NRXN3: variants seen among roughly 807,000 people sequenced by gnomAD.
NRXN3 encodes neurexin 3, also known as neurexin III.
NRXN3 carries 32 observed loss-of-function variants against 137.6 expected under a neutral mutation model. That is an observed-to-expected ratio of 0.23 (90% CI 0.18 to 0.31). NRXN3 has a LOEUF of 0.31. Ranked by LOEUF, NRXN3 falls within the 10% of genes least tolerant of loss-of-function variation. The pLI, the probability that NRXN3 is intolerant of heterozygous loss-of-function variation, is 1.00. For missense variants in NRXN3, 1,574 were observed against 2,062.5 expected (o/e 0.76, Z 4.59); for synonymous variants, 798 against 784.5 (o/e 1.02, Z -0.29).
intron 15 of NRXN3, among the ~76,000 whole-genome samples, chr14:79,232,956 A>C (rs1350531819): frequency 6.6e-6 from 1 of 152,214 alleles, no homozygotes; most frequent in Non-Finnish European, 1.5e-5. Context: ...ATACTGTAGC[A>C]GTTGAGACAG....
At chr14:78,975,787 C>G (rs2099463349) in intron 14 of NRXN3, among the ~76,000 whole-genome samples, 1 of 152,128 alleles carries the variant, frequency 6.6e-6, no homozygotes, top group African/African-American at 2.4e-5. Context: ...CTGCACACAC[C>G]CTCTCCACTG....
intron 15 of NRXN3, among the ~76,000 whole-genome samples, chr14:79,179,915 C>A (rs998533562): frequency 6.6e-6 from 1 of 152,174 alleles, no homozygotes; most frequent in Non-Finnish European, 1.5e-5. Context: ...ACTGCCACTG[C>A]ATTCTATTTC....
rs563295932 is a variant in NRXN3, at chr14:78,792,792, G to C, written c.2045-10828G>C. Among the ~76,000 whole-genome samples the C allele has an allele frequency of 8.0e-4, 122 of 152,068 alleles. 1 individual carries two copies. Among genetic ancestry groups the C allele is most frequent in the African/African-American group, 2.8e-3 (118 of 41,504 alleles). On this transcript the variant is annotated intron_variant, in intron 8 of 20. Coordinates refer to ENST00000335750, the MANE Select transcript of NRXN3 (RefSeq NM_001330195.2). ...ATAAAATTGAGCATAAAATCAAGTG[G>C]GACAAGAATTATCTGCAACCATAAT...
chr14:78,974,142 G>A (rs1255587994), intron 14 of NRXN3, among the ~76,000 whole-genome samples: 1 of 152,080 alleles, frequency 6.6e-6, no homozygotes, highest in East Asian at 1.9e-4. Context: ...AAAGTATAGA[G>A]GGCCCTTGTG....
At chr14:79,715,672 T>C (rs2098821369) in intron 19 of NRXN3, among the ~76,000 whole-genome samples, 1 of 152,198 alleles carries the variant, frequency 6.6e-6, no homozygotes, top group African/African-American at 2.4e-5. Flanking sequence ...GAAGAAGGCA[T>C]GAACAAACCA....
chr14:78,703,575 T>A (rs375277742), intron 6 of NRXN3: 2 of 152,362 alleles, frequency 1.3e-5, no homozygotes, highest in Admixed American at 1.3e-4. Flanking sequence ...ATATATTTAT[T>A]TTTTTGCTTG....
chr14:79,846,420 A>G (rs1350840913), intron 20 of NRXN3, among the ~76,000 whole-genome samples: 1 of 152,222 alleles, frequency 6.6e-6, no homozygotes, highest in Non-Finnish European at 1.5e-5. Context: ...CAAACTTTCA[A>G]GATGGAAAGG....
chr14:78,225,244 C>T (rs1413741203), intron 1 of NRXN3, among the ~76,000 whole-genome samples: 1 of 152,166 alleles, frequency 6.6e-6, no homozygotes, highest in Non-Finnish European at 1.5e-5. Context: ...TATTTCTCCA[C>T]ATCCTCTCCA....
At chr14:78,289,946 G>T (rs1466599578) in intron 3 of NRXN3, among the ~76,000 whole-genome samples, 2 of 147,496 alleles carry the variant, frequency 1.4e-5, no homozygotes, top group Non-Finnish European at 2.9e-5. Context: ...ACTGCTCAAT[G>T]GTAGCTCTCA....
rs116581019 is a variant in NRXN3 at position 78,251,500 on chromosome 14, G to T, written c.709+7698G>T. 1.5e-3 allele frequency among the ~76,000 whole-genome samples: 236 copies of T among 152,298 alleles called. 2 individuals are homozygous for T. Among genetic ancestry groups the T allele is most frequent in the African/African-American group, 5.4e-3 (226 of 41,566 alleles). On this transcript the variant is annotated intron_variant, in intron 2 of 20. Coordinates refer to ENST00000335750, the MANE Select transcript of NRXN3 (RefSeq NM_001330195.2). ...GTCCCACCTCTGTGGATCCGCCTCT[G>T]TTAACACAACTTGTTGCTGTCCGTG...
chr14:79,326,874 T>C (rs1314880140), intron 15 of NRXN3, among the ~76,000 whole-genome samples: 1 of 152,184 alleles, frequency 6.6e-6, no homozygotes, highest in Non-Finnish European at 1.5e-5. Context: ...TTTGCCTTAT[T>C]TACAAACTGG....
At chr14:79,634,422 TC>T (rs2098387121) in intron 16 of NRXN3, among the ~76,000 whole-genome samples, 1 of 152,176 alleles carries the variant, frequency 6.6e-6, no homozygotes, top group Non-Finnish European at 1.5e-5. Context: ...TTACTTAGGT[TC>T]AAGTGAAAAT....
chr14:79,672,054 G>C (rs1468177885), intron 17 of NRXN3, among the ~76,000 whole-genome samples: 1 of 152,038 alleles, frequency 6.6e-6, no homozygotes, highest in Non-Finnish European at 1.5e-5. Flanking sequence ...AACAATTGTA[G>C]TAGCCAAAGA....
At chr14:79,191,458 A>G (rs1250390875) in intron 15 of NRXN3, among the ~76,000 whole-genome samples, 1 of 152,230 alleles carries the variant, frequency 6.6e-6, no homozygotes, top group Non-Finnish European at 1.5e-5. Flanking sequence ...GTCATAAGCC[A>G]GTGTAATTGG....
At chr14:78,825,226 A>G (rs1169904208) in intron 10 of NRXN3, among the ~76,000 whole-genome samples, 1 of 151,658 alleles carries the variant, frequency 6.6e-6, no homozygotes, top group African/African-American at 2.4e-5. Context: ...AAGAAAAAGA[A>G]AAAGAAAAAT....
At chr14:78,990,391 C>T (rs890051235) in intron 15 of NRXN3, among the ~76,000 whole-genome samples, 6 of 95,368 alleles carry the variant, frequency 6.3e-5, no homozygotes, top group African/African-American at 1.0e-4. Flanking sequence ...TTTTTTGAGA[C>T]GGAGTCTCAT....
intron 15 of NRXN3, among the ~76,000 whole-genome samples, chr14:79,456,678 A>G (rs1362664381): frequency 6.6e-6 from 1 of 151,738 alleles, no homozygotes; most frequent in Admixed American, 6.6e-5. Context: ...GTGAGCCCTG[A>G]TCACCCCACT....
At chr14:79,486,962 C>CTCT (rs2096662889) in intron 16 of NRXN3, among the ~76,000 whole-genome samples, 2 of 124,106 alleles carry the variant, frequency 1.6e-5, no homozygotes, top group African/African-American at 7.2e-5. Flanking sequence ...TCTCTCTCTC[C>CTCT]CACACACACA....
Position 78,297,224 on chromosome 14 carries a change from C to G in NRXN3, c.728-607C>G, listed in dbSNP as rs1274583531. Among the ~76,000 whole-genome samples, 3 of 152,242 alleles carry G rather than the reference C, an allele frequency of 2.0e-5. No homozygotes were observed. In the East Asian group the frequency reaches 5.8e-4, roughly 29 times the overall value. Reference sequence around the variant, plus strand: ...TGGGCTAAGATGACAGTGATAGAAACAGTTCCAGGTTGTCTGAGCAACTCT... The same window carrying G: ...TGGGCTAAGATGACAGTGATAGAAAGAGTTCCAGGTTGTCTGAGCAACTCT... On this transcript the variant is annotated intron_variant, in intron 3 of 20. Coordinates refer to ENST00000335750, the MANE Select transcript of NRXN3 (RefSeq NM_001330195.2).
Sources: allele counts gnomAD v4.1 joint callset (sites outside exome capture counted in the v4.1 genomes callset), GRCh38; gene constraint gnomAD v4.1.1; transcripts MANE v1.5; gene names NCBI Gene and HGNC (gene_info 2026-07-23, HGNC 2026-07-21).